Variants in GRXCR1 observed in about 807,000 individuals in gnomAD.
GRXCR1 encodes glutaredoxin and cysteine rich domain containing 1, also known as glutaredoxin domain-containing cysteine-rich protein 1.
A neutral mutation model predicts 27.3 loss-of-function variants in GRXCR1; 27 were observed. The observed-to-expected ratio is 0.99, with a 90% CI of 0.73 to 1.37. The LOEUF (loss-of-function observed/expected upper bound fraction) is 1.37, where lower values mean the gene tolerates loss of function less well. Ranked by LOEUF, GRXCR1 falls within the 40% of genes most tolerant of loss-of-function variation. The pLI, the probability that GRXCR1 is intolerant of heterozygous loss-of-function variation, is 0.00. For synonymous variants in GRXCR1, 122 were observed against 131.1 expected (o/e 0.93, Z 0.47); for missense variants, 379 against 354.4 (o/e 1.07, Z -0.56).
At chr4:42,955,652 A>G (rs566462552) in intron 1 of GRXCR1, among the ~76,000 whole-genome samples, 46 of 152,280 alleles carry the variant, frequency 3.0e-4, no homozygotes, top group African/African-American at 9.9e-4. Flanking sequence ...TGAGGAATTG[A>G]TGAATATAAA....
chr4:42,944,424 A>T (rs1403402157), intron 1 of GRXCR1, among the ~76,000 whole-genome samples: 1 of 152,130 alleles, frequency 6.6e-6, no homozygotes, highest in African/African-American at 2.4e-5. Context: ...GAGGAAATTC[A>T]TAGAAAAGAT....
intron 3 of GRXCR1, among the ~76,000 whole-genome samples, chr4:43,027,369 T>A (rs1713290589): frequency 6.6e-6 from 1 of 152,226 alleles, no homozygotes; most frequent in South Asian, 2.1e-4. Context: ...GGTATTTATA[T>A]ATTAAGTTTA....
At chr4:42,953,656 C>G (rs972454078) in intron 1 of GRXCR1, among the ~76,000 whole-genome samples, 1 of 152,038 alleles carries the variant, frequency 6.6e-6, no homozygotes, top group African/African-American at 2.4e-5. Context: ...AGCAATTTAC[C>G]TCAATAAGAG....
intron 1 of GRXCR1, among the ~76,000 whole-genome samples, chr4:42,930,848 C>T (rs1387800325): frequency 6.6e-6 from 1 of 151,986 alleles, no homozygotes; most frequent in African/African-American, 2.4e-5. Context: ...TCCCATTCTT[C>T]TATTTCTTTT....
intron 2 of GRXCR1, among the ~76,000 whole-genome samples, chr4:43,016,575 T>C (rs564095107): frequency 4.6e-4 from 70 of 152,266 alleles, no homozygotes; most frequent in African/African-American, 1.6e-3. Flanking sequence ...TAATCTTTTG[T>C]GTAAAGTCTG....
At chr4:43,010,462 T>C (rs2109802149) in intron 2 of GRXCR1, among the ~76,000 whole-genome samples, 1 of 151,948 alleles carries the variant, frequency 6.6e-6, no homozygotes, top group South Asian at 2.1e-4. Flanking sequence ...GCTGACATCT[T>C]ACTTGCAAGG....
At chr4:42,927,826 G>C (rs1257330179) in intron 1 of GRXCR1, among the ~76,000 whole-genome samples, 2 of 151,976 alleles carry the variant, frequency 1.3e-5, no homozygotes, top group African/African-American at 2.4e-5. Flanking sequence ...AAATGTTTTA[G>C]GTTGAGTTCC....
intron 2 of GRXCR1, among the ~76,000 whole-genome samples, chr4:43,004,120 C>T (rs1328779863): frequency 1.3e-5 from 2 of 152,248 alleles, no homozygotes; most frequent in South Asian, 2.1e-4. Flanking sequence ...CCAGCCACTC[C>T]AGCACCAGCC....
chr4:42,921,835 A>G (rs969108084), intron 1 of GRXCR1, among the ~76,000 whole-genome samples: 1 of 152,080 alleles, frequency 6.6e-6, no homozygotes, highest in Admixed American at 6.6e-5. Flanking sequence ...ACTAGGAGAG[A>G]CGAGGGTCTG....
chr4:42,942,929 A>G (rs1747658081), intron 1 of GRXCR1, among the ~76,000 whole-genome samples: 3 of 152,134 alleles, frequency 2.0e-5, no homozygotes, highest in African/African-American at 7.2e-5. Flanking sequence ...ATATGATGCC[A>G]TTAATAAATG....
At chr4:42,915,853 T>G (rs73240016) in intron 1 of GRXCR1, among the ~76,000 whole-genome samples, 32,418 of 152,018 alleles carry the variant, frequency 0.21, 3,535 homozygotes, top group South Asian at 0.31. Context: ...GAATGTCATG[T>G]TTAGATTTTT....
chr4:42,921,716 T>C (rs1296304588), intron 1 of GRXCR1, among the ~76,000 whole-genome samples: 1 of 152,116 alleles, frequency 6.6e-6, no homozygotes, highest in Non-Finnish European at 1.5e-5. Context: ...CTTGTCAACA[T>C]CTTAAATTCC....
intron 1 of GRXCR1, among the ~76,000 whole-genome samples, chr4:42,930,187 C>G (rs1747270700): frequency 1.3e-5 from 2 of 152,060 alleles, no homozygotes; most frequent in African/African-American, 4.8e-5. Flanking sequence ...AGAGTGTTAC[C>G]AAAGGTTGGG....
At chr4:42,989,884 C>A (rs1237041410) in intron 2 of GRXCR1, among the ~76,000 whole-genome samples, 1 of 152,058 alleles carries the variant, frequency 6.6e-6, no homozygotes, top group African/African-American at 2.4e-5. Context: ...ATATGGGGTT[C>A]TTCTTAAACT....
intron 2 of GRXCR1, among the ~76,000 whole-genome samples, chr4:42,980,755 A>C (rs1311867341): frequency 2.0e-5 from 3 of 152,072 alleles, no homozygotes; most frequent in Admixed American, 6.6e-5. Context: ...CTATTATTGC[A>C]TTGACATCTA....
intron 1 of GRXCR1, among the ~76,000 whole-genome samples, chr4:42,907,229 G>T (rs1327206810): frequency 6.6e-6 from 1 of 152,132 alleles, no homozygotes; most frequent in Non-Finnish European, 1.5e-5. Flanking sequence ...TATTTCAGTA[G>T]CTTGGGGGTG....
Position 42,990,658 on chromosome 4 carries a change from T to C in GRXCR1, c.627+27524T>C, listed in dbSNP as rs528756894. On this transcript the variant is annotated intron_variant, in intron 2 of 3. Coordinates refer to ENST00000399770, the MANE Select transcript of GRXCR1 (RefSeq NM_001080476.3). ...TCAATTTCCAAGAAACTAAATGTTT[T>C]TGTTTTATATTTTGCTACTTATTTC... is the stretch of plus-strand genomic sequence containing the variant. Among the ~76,000 whole-genome samples, 12 of 152,242 alleles carry C rather than the reference T, an allele frequency of 7.9e-5. No individual in the cohort carries two copies. The South Asian group carries it at 2.5e-3, about 32-fold the overall frequency.
At chr4:42,908,340 G>A (rs901871605) in intron 1 of GRXCR1, among the ~76,000 whole-genome samples, 4 of 152,148 alleles carry the variant, frequency 2.6e-5, no homozygotes, top group Non-Finnish European at 5.9e-5. Context: ...TACCAGGGCC[G>A]AGGTCATGCC....
intron 2 of GRXCR1, among the ~76,000 whole-genome samples, chr4:42,966,296 C>T (rs1748235702): frequency 1.3e-5 from 2 of 151,902 alleles, no homozygotes; most frequent in African/African-American, 4.8e-5. Flanking sequence ...CAGTAGAAAT[C>T]CACAAAACCC....
Sources: allele counts gnomAD v4.1 joint callset (sites outside exome capture counted in the v4.1 genomes callset), GRCh38; gene constraint gnomAD v4.1.1; transcripts MANE v1.5; gene names NCBI Gene and HGNC (gene_info 2026-07-23, HGNC 2026-07-21).